BABAM2: variants seen among roughly 807,000 people sequenced by gnomAD.
BABAM2 encodes the protein BRISC and BRCA1-A complex member 2.
A neutral mutation model predicts 54.7 loss-of-function variants in BABAM2; 31 were observed. The observed-to-expected ratio is 0.57, with a 90% CI of 0.43 to 0.77. BABAM2 has a LOEUF of 0.77. Among genes scored for constraint, BABAM2 ranks in the 30% least tolerant of loss-of-function variants. The pLI is 0.00. For synonymous variants in BABAM2, 167 were observed against 162.9 expected, an observed-to-expected ratio of 1.03 and a Z score of -0.19; for missense variants, 364 against 455.8, an observed-to-expected ratio of 0.80 and a Z score of 1.83.
intron 4 of BABAM2, among the ~76,000 whole-genome samples, chr2:28,010,968 G>A (rs552255710): frequency 1.8e-3 from 270 of 152,250 alleles, no homozygotes; most frequent in African/African-American, 6.3e-3. Context: ...TATCTCATTG[G>A]GTTTGACTGG....
At chr2:28,316,178 A>G (rs1449671798) in intron 11 of BABAM2, among the ~76,000 whole-genome samples, 2 of 152,206 alleles carry the variant, frequency 1.3e-5, no homozygotes, top group African/African-American at 2.4e-5. Context: ...AGATTTAACA[A>G]GGCATCCTGT....
chr2:27,927,109 A>G (rs373755770), intron 2 of BABAM2, among the ~76,000 whole-genome samples: 28 of 152,294 alleles, frequency 1.8e-4, no homozygotes, highest in African/African-American at 6.5e-4. Flanking sequence ...CTTTTAATAC[A>G]CTGAGGTTGC....
chr2:28,040,294 C>CTTTTTTTTTTTTTTTCTTT (rs1676972104), intron 5 of BABAM2, among the ~76,000 whole-genome samples: 1 of 59,470 alleles, frequency 1.7e-5, no homozygotes, highest in Non-Finnish European at 3.0e-5. Context: ...AAACTGAATT[C>CTTTTTTTTTTTTTTTCTTT]TTTTTTTTTT....
At position 27,902,588 on chromosome 2, in the gene BABAM2, G is replaced by A. The variant is rs752590895; in HGVS notation, c.128+7904G>A. Among the ~76,000 whole-genome samples the A allele has an allele frequency of 4.6e-5, 7 of 152,072 alleles. No individual in the cohort carries two copies. In the South Asian group the frequency reaches 6.2e-4, roughly 14 times the overall value. ...TATTTTTGCCAAGCTGATGAGATGCGACCTGGTATCTCATTGTGGTGAAAA... is the reference window on the plus strand; with the variant it reads ...TATTTTTGCCAAGCTGATGAGATGCAACCTGGTATCTCATTGTGGTGAAAA... On this transcript the variant is annotated intron_variant, in intron 2 of 11. Coordinates refer to ENST00000379624, the MANE Select transcript of BABAM2 (RefSeq NM_199191.3).
At chr2:28,128,877 G>A (rs1237175356) in intron 6 of BABAM2, among the ~76,000 whole-genome samples, 1 of 150,640 alleles carries the variant, frequency 6.6e-6, no homozygotes, top group Non-Finnish European at 1.5e-5. Context: ...TGTCAAGGTA[G>A]GTGTAAGAAA....
At chr2:28,295,462 A>G (rs1250953704) in intron 10 of BABAM2, among the ~76,000 whole-genome samples, 1 of 152,072 alleles carries the variant, frequency 6.6e-6, no homozygotes, top group Non-Finnish European at 1.5e-5. Context: ...AAAAGTGTAC[A>G]TAGTATAAAA....
chr2:28,129,333 A>C lies in BABAM2; in HGVS notation c.633A>C (p.Glu211Asp). ...ALLSVSFEDT[E>D]ATQVYPKLYL... is the part of the protein sequence containing the mutation. ...TCTCTGTTAGTTTTGAGGACACTGAAGCCACCCAGGTGTACCCCAAGCTGT... is the reference window on the plus strand; with the variant it reads ...TCTCTGTTAGTTTTGAGGACACTGACGCCACCCAGGTGTACCCCAAGCTGT... The change falls in exon 7 of 12, where the codon GAA (glutamate) becomes GAC (aspartate). Residue 211 changes from glutamate to aspartate, a missense_variant. By Grantham distance (45) the Glu-to-Asp change is conservative (BLOSUM62 2). Coordinates refer to ENST00000379624, the MANE Select transcript of BABAM2 (RefSeq NM_199191.3). The C allele has an allele frequency of 1.2e-6, 2 of 1,614,182 alleles. No homozygotes were observed. Among genetic ancestry groups the C allele is most frequent in the Non-Finnish European group, 1.7e-6 (2 of 1,180,006 alleles).
Position 28,313,683 on chromosome 2 carries a change from T to C in BABAM2, c.1088+15192T>C, listed in dbSNP as rs1689270917. ...TTGATCCAGAAGCAACTAGTAAGCCTACAGTCTGTGTGTAGCTGCAGTTAA... is the reference window on the plus strand; with the variant it reads ...TTGATCCAGAAGCAACTAGTAAGCCCACAGTCTGTGTGTAGCTGCAGTTAA... On this transcript the variant is annotated intron_variant, in intron 11 of 11. Transcript: ENST00000379624. 1.3e-5 allele frequency among the ~76,000 whole-genome samples: 2 copies of C among 152,322 alleles called. 1 individual carries two copies. Among genetic ancestry groups the C allele is most frequent in the South Asian group, 4.1e-4 (2 of 4,828 alleles).
At chr2:27,924,901 A>T (rs1219727210) in intron 2 of BABAM2, among the ~76,000 whole-genome samples, 1 of 152,204 alleles carries the variant, frequency 6.6e-6, no homozygotes, top group Non-Finnish European at 1.5e-5. Flanking sequence ...ATAGAATGTA[A>T]CATATCTTAA....
chr2:28,020,031 G>A (rs757048273), intron 4 of BABAM2, among the ~76,000 whole-genome samples: 1 of 152,182 alleles, frequency 6.6e-6, no homozygotes, highest in Non-Finnish European at 1.5e-5. Flanking sequence ...TGCTTCAACT[G>A]TGACCACTAC....
At chr2:27,905,259 C>A (rs1219455522) in intron 2 of BABAM2, among the ~76,000 whole-genome samples, 1 of 152,026 alleles carries the variant, frequency 6.6e-6, no homozygotes, top group Non-Finnish European at 1.5e-5. Flanking sequence ...AGCTGGAAGT[C>A]AGATTGGATA....
At chr2:28,068,354 A>G (rs534500263) in intron 6 of BABAM2, among the ~76,000 whole-genome samples, 1 of 152,350 alleles carries the variant, frequency 6.6e-6, no homozygotes, top group Non-Finnish European at 1.5e-5. Flanking sequence ...AGCATGCAGT[A>G]TAACATTTGT....
intron 6 of BABAM2, among the ~76,000 whole-genome samples, chr2:28,074,984 A>T (rs1312900834): frequency 6.6e-6 from 1 of 152,128 alleles, no homozygotes; most frequent in East Asian, 1.9e-4. Flanking sequence ...GACCAAGAAA[A>T]AGGAGGGCAA....
intron 7 of BABAM2, among the ~76,000 whole-genome samples, chr2:28,165,529 C>CTTTTTTTTTTTTTTTTTTTTTT (rs1192641957): frequency 6.9e-5 from 5 of 72,272 alleles, no homozygotes; most frequent in East Asian, 4.8e-4. Context: ...TTTTTCCTTG[C>CTTTTTTTTTTTTTTTTTTTTTT]TTTTTTTTTT....
chr2:28,202,503 G>T (rs1457933903), intron 7 of BABAM2, among the ~76,000 whole-genome samples: 3 of 152,204 alleles, frequency 2.0e-5, no homozygotes, highest in Admixed American at 6.5e-5. Context: ...GTTCCCCAAA[G>T]AATAGAAAAA....
intron 7 of BABAM2, among the ~76,000 whole-genome samples, chr2:28,230,718 G>GAA (rs147700429): frequency 0.25 from 34,871 of 141,240 alleles, 5,461 homozygotes; most frequent in Non-Finnish European, 0.35. Context: ...CCTGTCTCAG[G>GAA]AAAAAAAAAA....
chr2:28,312,556 A>G (rs1426452728), intron 11 of BABAM2, among the ~76,000 whole-genome samples: 2 of 152,368 alleles, frequency 1.3e-5, no homozygotes, highest in East Asian at 3.9e-4. Flanking sequence ...TCAGAATTAC[A>G]AAGCAGGAAG....
At chr2:28,065,300 T>C (rs1679220441) in intron 6 of BABAM2, among the ~76,000 whole-genome samples, 1 of 152,206 alleles carries the variant, frequency 6.6e-6, no homozygotes, top group South Asian at 2.1e-4. Context: ...ATACTAAGTT[T>C]ACATTGAGAG....
intron 11 of BABAM2, among the ~76,000 whole-genome samples, chr2:28,336,265 C>T (rs995185010): frequency 7.2e-5 from 11 of 152,202 alleles, no homozygotes; most frequent in Non-Finnish European, 1.2e-4. Context: ...ATGAATTCAC[C>T]GTAGGGGTTT....
Sources: allele counts gnomAD v4.1 joint callset (sites outside exome capture counted in the v4.1 genomes callset), GRCh38; gene constraint gnomAD v4.1.1; transcripts MANE v1.5; gene names NCBI Gene and HGNC (gene_info 2026-07-23, HGNC 2026-07-21).